Variants in PLEKHG4B observed in about 807,000 individuals in gnomAD.
PLEKHG4B encodes the protein pleckstrin homology domain-containing family G member 4B.
PLEKHG4B carries 111 observed loss-of-function variants against 121.3 expected under a neutral mutation model. The ratio of observed to expected loss-of-function variants is 0.92; its 90% CI spans 0.78 to 1.07. The LOEUF (loss-of-function observed/expected upper bound fraction) is 1.07, where lower values mean the gene tolerates loss of function less well. PLEKHG4B is among the 50% of genes least tolerant of loss of function. The probability of loss-of-function intolerance (pLI) is 0.00; values close to 1 mark genes in which losing one functional copy is unlikely to be tolerated. For missense variants in PLEKHG4B, 1,831 were observed against 1,757.8 expected, an observed-to-expected ratio of 1.04 and a Z score of -0.74; for synonymous variants, 738 against 725.0, an observed-to-expected ratio of 1.02 and a Z score of -0.29.
At position 173,945 on chromosome 5, in the gene PLEKHG4B, G is replaced by A. The variant is rs111483467; in HGVS notation, c.4249G>A (p.Val1417Ile). 174 of 1,613,678 alleles carry A rather than the reference G, an allele frequency of 1.1e-4. 1 individual carries two copies. In the African/African-American group the frequency reaches 1.7e-3, roughly 16 times the overall value. The change falls in exon 18 of 20, where the codon GTC becomes ATC. Residue 1417 changes from valine (V) to isoleucine (I), a missense_variant. Transcript: ENST00000637938. Reference protein sequence around the residue: ...KTAEIGMTENVGDSGLRFEIW... With the variant: ...KTAEIGMTENIGDSGLRFEIW... ...GGCCGAGATCGGGATGACAGAGAAC[G>A]TCGGGGACAGTGGCTTGAGGTTTGA...
At chr5:147,212 A>G (rs942028671) in intron 6 of PLEKHG4B, among the ~76,000 whole-genome samples, 2 of 152,258 alleles carry the variant, frequency 1.3e-5, no homozygotes, top group African/African-American at 4.8e-5. Flanking sequence ...TAGGCTAGAC[A>G]GGAGTCCTCA....
In PLEKHG4B at chr5:140,330, T is replaced by C; in HGVS notation, c.1091T>C (p.Met364Thr). ...TACATGGAAGCCTTGCGGAACCCCA[T>C]GCCCCTGGGCAGCTCTGAGGAGGCC... is the stretch of plus-strand genomic sequence containing the variant. ...ESYMEALRNP[M>T]PLGSSEEALG... The change falls in exon 3 of 20, where the codon ATG becomes ACG. Residue 364 changes from methionine to threonine, a missense_variant. Transcript: ENST00000637938. The C allele has an allele frequency of 6.6e-7, 1 of 1,525,688 alleles. No individual in the cohort carries two copies. Among genetic ancestry groups the C allele is most frequent in the Non-Finnish European group, 8.8e-7 (1 of 1,138,118 alleles). The allele number at this position is 1,525,688 out of a possible 1,614,324, so 94.5% of individuals were successfully genotyped here.
intron 1 of PLEKHG4B, among the ~76,000 whole-genome samples, chr5:106,934 T>C (rs903390646): frequency 2.0e-5 from 3 of 152,246 alleles, no homozygotes; most frequent in African/African-American, 7.2e-5. Context: ...GTCTAGGTAC[T>C]GTATGTGTGC....
At chr5:102,540 T>C (rs547408818) in intron 1 of PLEKHG4B, among the ~76,000 whole-genome samples, 21 of 152,224 alleles carry the variant, frequency 1.4e-4, no homozygotes, top group African/African-American at 4.6e-4. Context: ...GGGTTAAAAG[T>C]GTGTGGCACC....
At chr5:155,491 T>C (rs1162541180) in intron 9 of PLEKHG4B, 48 bp downstream of exon 9, 1 of 1,455,546 alleles carries the variant, frequency 6.9e-7, no homozygotes, top group Non-Finnish European at 9.7e-7. Context: ...GACAGGTAGG[T>C]GGGGGCATAA....
rs11953907 is a variant in PLEKHG4B at position 148,349 on chromosome 5, A to T, written c.1906-3164A>T. The stretch of plus-strand genomic sequence containing the variant: ...AGAAAACCCTAACAGTTCCACAAAA[A>T]AAAAAAAATAAATAAAAATAAGTTA... On this transcript the variant is annotated intron_variant, in intron 6 of 19. Transcript: ENST00000637938. Among the ~76,000 whole-genome samples the T allele has an allele frequency of 2.7e-3, 407 of 151,172 alleles. 2 individuals carry two copies. The highest frequency in any genetic ancestry group is 9.6e-3 in the African/African-American group (393 of 41,124).
chr5:142,986 C>T, intron 3 of PLEKHG4B, 61 bp from the exon 4 acceptor site: 7 of 1,475,104 alleles, frequency 4.7e-6, no homozygotes, highest in Non-Finnish European at 6.6e-6. Context: ...CTGAGCATAG[C>T]AGCTGCTTTC....
At position 163,198 on chromosome 5, in the gene PLEKHG4B, C is replaced by T. The variant is rs757672041; in HGVS notation, c.3126C>T (p.Gly1042=). Residue 1042 remains glycine, a synonymous_variant, in exon 13 of 20, where the codon GGC becomes GGT. Transcript: ENST00000637938. ...ALWDPLSLLR[G]LPGAGATTAH... ...GGGACCCACTGTCCCTCCTCAGGGG[C>T]CTTCCAGGGGCAGGGGCCACCACGG... The T allele has an allele frequency of 6.3e-7, 1 of 1,587,172 alleles. No homozygotes were observed. The highest frequency in any genetic ancestry group is 1.3e-5 in the African/African-American group (1 of 74,472).
chr5:174,454 G>A (rs1579328491), intron 18 of PLEKHG4B, among the ~76,000 whole-genome samples: 2 of 152,082 alleles, frequency 1.3e-5, no homozygotes, highest in Admixed American at 1.3e-4. Context: ...TGGGGCTGGG[G>A]TGGAGGCATG....
Position 189,765 on chromosome 5 carries a change from C to G in PLEKHG4B, c.*7442C>G, listed in dbSNP as rs1413446107. The G allele has an allele frequency of 6.6e-6, 1 of 152,166 alleles. No homozygotes were observed. The highest frequency in any genetic ancestry group is 2.4e-5 in the African/African-American group (1 of 41,446). The allele number at this position is 152,166 out of a possible 1,614,324, so 9.4% of individuals were successfully genotyped here. A position where few individuals can be genotyped will look rare whatever the true frequency, so the allele number is the denominator to read the frequency against. ...GACCTTCCTAGCCATGGTCTCCACC[C>G]TCCGAGACCCAGGGGCCCCGCAGTG... On this transcript the variant is annotated 3_prime_UTR_variant, in exon 20 of 20. Transcript: ENST00000637938.
At chr5:168,515 C>T (rs895149871) in intron 13 of PLEKHG4B, among the ~76,000 whole-genome samples, 30 of 152,154 alleles carry the variant, frequency 2.0e-4, no homozygotes, top group African/African-American at 6.5e-4. Flanking sequence ...CGTTTTCTCA[C>T]GAAATTTCCA....
intron 1 of PLEKHG4B, among the ~76,000 whole-genome samples, chr5:112,953 T>C (rs371643912): frequency 6.6e-5 from 10 of 152,238 alleles, no homozygotes; most frequent in East Asian, 3.9e-4. Flanking sequence ...GTGAGTGTTA[T>C]AGGAATGGCA....
Position 156,229 on chromosome 5 carries a change from C to A in PLEKHG4B, c.2348+19C>A. ...ACAGCCGGTGAGCGCTCACAGGGGT[C>A]ATGCTGGGCCCTGGCCCATCGAGGG... On this transcript the variant is annotated intron_variant, in intron 10 of 19. Coordinates refer to ENST00000637938, the MANE Select transcript of PLEKHG4B (RefSeq NM_052909.5). The surrounding 1 kb of genome is among the most constrained non-coding windows in gnomAD (Gnocchi z 4.4). The A allele has an allele frequency of 6.8e-7, 1 of 1,471,470 alleles. No individual in the cohort carries two copies. Among genetic ancestry groups the A allele is most frequent in the Admixed American group, 2.2e-5 (1 of 46,274 alleles). The allele number at this position is 1,471,470 out of a possible 1,614,324, so 91.2% of individuals were successfully genotyped here.
intron 11 of PLEKHG4B, 28 bp from the exon 12 acceptor site, chr5:161,755 G>A (rs1243412367): frequency 1.2e-6 from 2 of 1,613,074 alleles, no homozygotes; most frequent in African/African-American, 1.3e-5. Context: ...CACCGGGCTT[G>A]TACTGATGCT....
At chr5:130,888 T>C (rs894128165) in intron 2 of PLEKHG4B, among the ~76,000 whole-genome samples, 1 of 152,206 alleles carries the variant, frequency 6.6e-6, no homozygotes, top group Non-Finnish European at 1.5e-5. Flanking sequence ...GCCAAAAGAT[T>C]TACAATCTAA....
chr5:140,456 G>A lies in PLEKHG4B; in HGVS notation c.1217G>A (p.Gly406Glu). 6.3e-7 allele frequency: 1 copy of A among 1,585,226 alleles called. No homozygotes were observed. The highest frequency in any genetic ancestry group is 8.6e-7 in the Non-Finnish European group (1 of 1,166,270). The change falls in exon 3 of 20, where the codon GGA (glycine) becomes GAA (glutamate). Residue 406 changes from glycine to glutamate, a missense_variant. Physicochemically the swap from Gly to Glu is moderately conservative, Grantham distance 98. Coordinates refer to ENST00000637938, the MANE Select transcript of PLEKHG4B (RefSeq NM_052909.5). The part of the protein sequence containing the change: ...GTQEETSGPR[G>E]DPQQTPSLEK... ...CAGGAGGAAACCTCTGGCCCCCGGG[G>A]AGACCCCCAACAGACCCCAAGTCTA... is the stretch of plus-strand genomic sequence containing the variant.
intron 1 of PLEKHG4B, among the ~76,000 whole-genome samples, chr5:101,867 G>T (rs1394149464): frequency 2.4e-5 from 2 of 83,106 alleles, no homozygotes; most frequent in Non-Finnish European, 4.4e-5. Context: ...TCCATATAAA[G>T]CCCTGGAAAA....
chr5:172,791 G>C (rs2126457127), intron 16 of PLEKHG4B, 106 bp from the exon 17 acceptor site: 1 of 1,296,624 alleles, frequency 7.7e-7, no homozygotes, highest in East Asian at 2.3e-5. Flanking sequence ...TTTGGCTGCT[G>C]TTCCGTCTTG....
At chr5:151,304 T>G (rs1735595980) in intron 6 of PLEKHG4B, among the ~76,000 whole-genome samples, 1 of 152,188 alleles carries the variant, frequency 6.6e-6, no homozygotes, top group Non-Finnish European at 1.5e-5. Flanking sequence ...TTTTATTGTA[T>G]GTAAATTATA....
Sources: allele counts gnomAD v4.1 joint callset (sites outside exome capture counted in the v4.1 genomes callset), GRCh38; gene constraint gnomAD v4.1.1; non-coding constraint Gnocchi (gnomAD v3.1); transcripts MANE v1.5; gene names NCBI Gene and HGNC (gene_info 2026-07-23, HGNC 2026-07-21).